GRID1: variants seen among roughly 807,000 people sequenced by gnomAD.
GRID1 encodes glutamate receptor ionotropic, delta-1.
Under a neutral mutation model 98.0 loss-of-function variants are expected in GRID1, and 28 were observed. The ratio of observed to expected loss-of-function variants is 0.29; its 90% CI spans 0.21 to 0.39. The LOEUF (loss-of-function observed/expected upper bound fraction) is 0.39. Ranked by LOEUF, GRID1 falls within the 10% of genes least tolerant of loss-of-function variation. GRID1 has a pLI of 1.00. For missense variants in GRID1, 1,111 were observed against 1,340.5 expected (o/e 0.83, Z 2.67); for synonymous variants, 553 against 538.5 (o/e 1.03, Z -0.37).
chr10:86,321,105 A>G (rs569379183), intron 2 of GRID1, among the ~76,000 whole-genome samples: 1 of 87,524 alleles, frequency 1.1e-5, no homozygotes, highest in African/African-American at 2.9e-5. Context: ...ATCTCAAAAA[A>G]AAAAAAGAAA....
chr10:86,278,802 TC>T (rs1847312265), intron 2 of GRID1, among the ~76,000 whole-genome samples: 1 of 152,214 alleles, frequency 6.6e-6, no homozygotes, highest in African/African-American at 2.4e-5. Flanking sequence ...CATGGAAAAC[TC>T]TAGGCCCTGA....
intron 2 of GRID1, among the ~76,000 whole-genome samples, chr10:86,256,882 G>C (rs1344245398): frequency 1.3e-5 from 2 of 152,138 alleles, no homozygotes; most frequent in African/African-American, 4.8e-5. Context: ...GCTGGGCCTG[G>C]GTTTACAGTA....
chr10:85,967,190 T>C (rs1420366114), intron 4 of GRID1, among the ~76,000 whole-genome samples: 3 of 152,248 alleles, frequency 2.0e-5, no homozygotes, highest in Non-Finnish European at 4.4e-5. Context: ...TAAACCTTTT[T>C]CTTTATAAAT....
intron 5 of GRID1, among the ~76,000 whole-genome samples, chr10:85,910,263 T>C (rs1389723468): frequency 6.6e-6 from 1 of 152,252 alleles, no homozygotes; most frequent in East Asian, 1.9e-4. Flanking sequence ...TCCTTCCCTC[T>C]CTTTCTCTGG....
At chr10:86,227,070 C>T (rs1846363022) in intron 2 of GRID1, among the ~76,000 whole-genome samples, 1 of 152,220 alleles carries the variant, frequency 6.6e-6, no homozygotes, top group South Asian at 2.1e-4. Flanking sequence ...GCCTCCAAAG[C>T]CACAGAGTCA....
intron 4 of GRID1, among the ~76,000 whole-genome samples, chr10:85,936,672 C>A (rs1841931571): frequency 6.6e-6 from 1 of 152,200 alleles, no homozygotes; most frequent in Non-Finnish European, 1.5e-5. Context: ...ATGTTAAGAG[C>A]TTCCTTTAGC....
intron 4 of GRID1, among the ~76,000 whole-genome samples, chr10:86,138,423 G>A (rs1318995298): frequency 6.6e-6 from 1 of 151,960 alleles, no homozygotes; most frequent in East Asian, 1.9e-4. Context: ...GAAATCCCAA[G>A]GCAGACCTAC....
intron 4 of GRID1, among the ~76,000 whole-genome samples, chr10:86,064,332 C>G (rs1483358458): frequency 6.6e-6 from 1 of 152,208 alleles, no homozygotes; most frequent in Non-Finnish European, 1.5e-5. Context: ...AGATGTTGAG[C>G]ACAACGTCTG....
At chr10:85,699,087 C>T (rs1841425006) in intron 12 of GRID1, among the ~76,000 whole-genome samples, 1 of 151,970 alleles carries the variant, frequency 6.6e-6, no homozygotes, top group Admixed American at 6.6e-5. Context: ...GAGTCTCACT[C>T]TGTGGCCCAG....
chr10:85,627,057 A>C (rs1054765379), intron 13 of GRID1, among the ~76,000 whole-genome samples: 1 of 152,224 alleles, frequency 6.6e-6, no homozygotes, highest in Non-Finnish European at 1.5e-5. Flanking sequence ...AATAATTGGG[A>C]ATCAGATAGG....
intron 4 of GRID1, among the ~76,000 whole-genome samples, chr10:85,969,361 A>G (rs1842378410): frequency 6.6e-6 from 1 of 152,208 alleles, no homozygotes; most frequent in Admixed American, 6.5e-5. Flanking sequence ...TATCTATGGA[A>G]CACTCCATTC....
intron 4 of GRID1, among the ~76,000 whole-genome samples, chr10:86,089,276 G>C (rs1844108638): frequency 6.6e-6 from 1 of 152,222 alleles, no homozygotes; most frequent in Admixed American, 6.5e-5. Context: ...GGAAGGGTCA[G>C]TGGTGGCTTC....
chr10:85,778,655 A>T (rs1842354697), intron 8 of GRID1, among the ~76,000 whole-genome samples: 1 of 152,232 alleles, frequency 6.6e-6, no homozygotes, highest in Non-Finnish European at 1.5e-5. Flanking sequence ...TACACTCAAC[A>T]GAAAACCAAG....
intron 8 of GRID1, among the ~76,000 whole-genome samples, chr10:85,841,596 C>T (rs944932188): frequency 2.0e-5 from 3 of 151,684 alleles, no homozygotes; most frequent in Non-Finnish European, 4.4e-5. Context: ...CTCACAAAGG[C>T]CTAATATTTA....
At chr10:86,109,300 G>A (rs979409370) in intron 4 of GRID1, among the ~76,000 whole-genome samples, 4 of 152,224 alleles carry the variant, frequency 2.6e-5, no homozygotes, top group Non-Finnish European at 5.9e-5. Flanking sequence ...CAAAGAAAAT[G>A]AAACACTGAG....
At chr10:86,078,701 C>T (rs1021174029) in intron 4 of GRID1, among the ~76,000 whole-genome samples, 2 of 152,252 alleles carry the variant, frequency 1.3e-5, no homozygotes, top group African/African-American at 4.8e-5. Flanking sequence ...CTAGGGCTGG[C>T]TGGGCAATGG....
chr10:86,265,561 G>A (rs564976439), intron 2 of GRID1, among the ~76,000 whole-genome samples: 18 of 152,304 alleles, frequency 1.2e-4, no homozygotes, highest in African/African-American at 4.1e-4. Context: ...GCCCTGCCAC[G>A]TGGCTGGCAC....
chr10:85,702,990 TAAGG>T (rs1236919936), intron 12 of GRID1, among the ~76,000 whole-genome samples: 1 of 136,398 alleles, frequency 7.3e-6, no homozygotes, highest in Non-Finnish European at 1.6e-5. Context: ...GAGGAGGAAA[TAAGG>T]AGATGAAGAA....
intron 8 of GRID1, among the ~76,000 whole-genome samples, chr10:85,825,911 T>G (rs1051178525): frequency 3.3e-5 from 5 of 151,986 alleles, no homozygotes; most frequent in African/African-American, 1.2e-4. Context: ...CAGAATAATA[T>G]TCTTCAATAA....
Sources: gnomAD v4.1 joint callset for allele counts (sites outside exome capture counted in the v4.1 genomes callset) on GRCh38, gnomAD v4.1.1 for gene constraint, MANE v1.5 for transcripts, NCBI Gene and HGNC (gene_info 2026-07-23, HGNC 2026-07-21) for gene names.